Variants in LRRC8C observed in about 807,000 individuals in gnomAD.
The protein encoded by LRRC8C is leucine rich repeat containing 8 VRAC subunit C, also known as volume-regulated anion channel subunit LRRC8C.
Under a neutral mutation model 55.3 loss-of-function variants are expected in LRRC8C, and 20 were observed. That is an observed-to-expected ratio of 0.36 (90% CI 0.25 to 0.53). LRRC8C has a LOEUF of 0.53. LRRC8C is among the 20% of genes least tolerant of loss of function. The pLI is 0.92. For missense variants in LRRC8C, 659 were observed against 951.4 expected, an observed-to-expected ratio of 0.69 and a Z score of 4.04; for synonymous variants, 376 against 360.7, an observed-to-expected ratio of 1.04 and a Z score of -0.48.
intron 1 of LRRC8C, among the ~76,000 whole-genome samples, chr1:89,673,700 A>G (rs2101245081): frequency 6.6e-6 from 1 of 152,354 alleles, no homozygotes; most frequent in African/African-American, 2.4e-5. Flanking sequence ...CTATATGCCA[A>G]ATACTGTGAA....
At chr1:89,664,501 AT>A (rs1657203913) in intron 1 of LRRC8C, among the ~76,000 whole-genome samples, 1 of 151,970 alleles carries the variant, frequency 6.6e-6, no homozygotes, top group Non-Finnish European at 1.5e-5. Flanking sequence ...ATTGGTCTAT[AT>A]TTGTGTTTTG....
In LRRC8C at chr1:89,719,198, T is replaced by C. The variant is rs556002992; in HGVS notation, c.*4216T>C. 1 of 152,348 alleles carries C rather than the reference T, an allele frequency of 6.6e-6. No individual in the cohort carries two copies. The highest frequency in any genetic ancestry group is 6.5e-5 in the Admixed American group (1 of 15,300). The allele number at this position is 152,348 out of a possible 1,614,324, so 9.4% of individuals were successfully genotyped here. ...TTTGGAAAACTTAATTTCTTGGCTG[T>C]GTTTGATAACAGTTCCTATGCATGG... On this transcript the variant is annotated 3_prime_UTR_variant, in exon 3 of 3. Transcript: ENST00000370454.
intron 1 of LRRC8C, among the ~76,000 whole-genome samples, chr1:89,674,103 C>G (rs906763673): frequency 9.2e-5 from 14 of 152,206 alleles, no homozygotes; most frequent in South Asian, 2.1e-4. Flanking sequence ...TGTATGTTAC[C>G]TAGTTTCACT....
chr1:89,712,729 C>G lies in LRRC8C; in HGVS notation c.159C>G (p.Ile53Met). 1 of 1,613,732 alleles carries G rather than the reference C, an allele frequency of 6.2e-7. No individual in the cohort carries two copies. Among genetic ancestry groups the G allele is most frequent in the Non-Finnish European group, 8.5e-7 (1 of 1,179,648 alleles). The change falls in exon 3 of 3, where the codon ATC becomes ATG. Residue 53 changes from isoleucine (I) to methionine (M), a missense_variant. This residue lies in a region of LRRC8C where 82 missense variants were observed against 71.4 expected (regional missense o/e 1.15). Coordinates refer to ENST00000370454, the MANE Select transcript of LRRC8C (RefSeq NM_032270.5). ...TTCAGGTCATGCAAGACAAGATAATCTGCCTTCCGAAAAGAGTGCAGCCTG... is the reference window on the plus strand; with the variant it reads ...TTCAGGTCATGCAAGACAAGATAATGTGCCTTCCGAAAAGAGTGCAGCCTG... ...CTLQVMQDKI[I>M]CLPKRVQPAQ...
In LRRC8C at chr1:89,713,824, A is replaced by C; in HGVS notation, c.1254A>C (p.Leu418=). ...EWTPDKLRQK[L]QTNAHNRLEL... ...CTCCTGATAAACTGAGGCAGAAGCT[A>C]CAGACAAATGCCCATAATCGACTGG... The change falls in exon 3 of 3, where the codon CTA becomes CTC. Residue 418 remains leucine, a synonymous_variant. Coordinates refer to ENST00000370454, the MANE Select transcript of LRRC8C (RefSeq NM_032270.5). This position sits in a 1 kb window ranked among gnomAD's most constrained non-coding sequence, Gnocchi z 5.2. The C allele has an allele frequency of 3.1e-6, 5 of 1,614,244 alleles. No homozygotes were observed. In the South Asian group the frequency reaches 5.5e-5, roughly 18 times the overall value.
intron 1 of LRRC8C, among the ~76,000 whole-genome samples, chr1:89,653,992 T>C (rs1488068757): frequency 1.3e-5 from 2 of 152,176 alleles, no homozygotes; most frequent in African/African-American, 4.8e-5. Context: ...TAAGTGTCCA[T>C]CAATGGATGA....
chr1:89,701,831 T>C (rs1303682050), intron 2 of LRRC8C, among the ~76,000 whole-genome samples: 1 of 152,216 alleles, frequency 6.6e-6, no homozygotes, highest in Admixed American at 6.5e-5. Flanking sequence ...TGAGCGTTTC[T>C]GTGGAGCACA....
At chr1:89,630,147 A>T (rs528618656), upstream of LRRC8C, among the ~76,000 whole-genome samples, 1 of 152,342 alleles carries the variant, frequency 6.6e-6, no homozygotes, top group South Asian at 2.1e-4. Flanking sequence ...ACTCTGTCTC[A>T]GAAAAAATTA....
chr1:89,666,682 T>A (rs1408118715), intron 1 of LRRC8C, among the ~76,000 whole-genome samples: 1 of 152,162 alleles, frequency 6.6e-6, no homozygotes, highest in Non-Finnish European at 1.5e-5. Context: ...TTACTCTAAT[T>A]TCTGTTAGTC....
In LRRC8C at chr1:89,694,491, G is replaced by A. The variant is rs546943022; in HGVS notation, c.138+7880G>A. Among the ~76,000 whole-genome samples the A allele has an allele frequency of 1.1e-4, 17 of 151,750 alleles. No homozygotes were observed. The South Asian group carries it at 3.6e-3, about 32-fold the overall frequency. ...TGGAGACGAGTTCTCACTCTGTTGC[G>A]CAGGCTGCTTTGAAACTCCTGGGCT... On this transcript the variant is annotated intron_variant, in intron 2 of 2. Coordinates refer to ENST00000370454, the MANE Select transcript of LRRC8C (RefSeq NM_032270.5).
At chr1:89,620,451 G>A in the LRRC8C span, among the ~76,000 whole-genome samples, 1 of 151,988 alleles carries the variant, frequency 6.6e-6, no homozygotes, top group Non-Finnish European at 1.5e-5. Flanking sequence ...AGGACAAAAA[G>A]GAAGTAAGAA....
chr1:89,629,706 A>G (rs1656056720), upstream of LRRC8C: 1 of 152,246 alleles, frequency 6.6e-6, no homozygotes, highest in Admixed American at 6.5e-5. Context: ...GTGAATCAAG[A>G]TACAGCCCTG....
the LRRC8C span, among the ~76,000 whole-genome samples, chr1:89,625,424 C>T: frequency 6.6e-6 from 1 of 152,126 alleles, no homozygotes; most frequent in Non-Finnish European, 1.5e-5. Flanking sequence ...TTTTCACTAA[C>T]AGCAAAAGTG....
At chr1:89,689,739 G>A (rs1402992786) in intron 2 of LRRC8C, among the ~76,000 whole-genome samples, 2 of 152,046 alleles carry the variant, frequency 1.3e-5, no homozygotes, top group African/African-American at 4.8e-5. Context: ...TCAGGAGTTC[G>A]AGACTAGCCT....
chr1:89,623,787 C>A, the LRRC8C span, among the ~76,000 whole-genome samples: 2 of 151,982 alleles, frequency 1.3e-5, no homozygotes, highest in African/African-American at 4.8e-5. Context: ...ATTCATTAGG[C>A]CAGGAATGAT....
At chr1:89,659,507 A>C (rs998611692) in intron 1 of LRRC8C, among the ~76,000 whole-genome samples, 2 of 152,298 alleles carry the variant, frequency 1.3e-5, no homozygotes, top group East Asian at 3.9e-4. Context: ...TTGGGCGTTA[A>C]GTAATGTAAT....
intron 1 of LRRC8C, among the ~76,000 whole-genome samples, chr1:89,682,536 G>T (rs1385082560): frequency 1.3e-5 from 2 of 152,190 alleles, no homozygotes; most frequent in African/African-American, 4.8e-5. Context: ...GGGACCCCAT[G>T]AAGTCAAAAC....
At chr1:89,682,385 C>G (rs528892439) in intron 1 of LRRC8C, among the ~76,000 whole-genome samples, 1 of 152,102 alleles carries the variant, frequency 6.6e-6, no homozygotes, top group Non-Finnish European at 1.5e-5. Context: ...GCAACTCAGA[C>G]AAGGACCCAG....
At position 89,672,119 on chromosome 1, in the gene LRRC8C, C is replaced by CA. The variant is rs533210502; in HGVS notation, c.-4-14344dup. Among the ~76,000 whole-genome samples the CA allele has an allele frequency of 1.6e-4, 24 of 152,126 alleles. 1 individual carries two copies. The South Asian group carries it at 4.4e-3, about 28-fold the overall frequency. On this transcript the variant is annotated intron_variant, in intron 1 of 2. Coordinates refer to ENST00000370454, the MANE Select transcript of LRRC8C (RefSeq NM_032270.5). ...ATTTTAAGAGGGGAAAAACAAACAA[C>CA]AAAAAAAGCCATTACGTTGCAGACC...
Sources: allele counts gnomAD v4.1 joint callset (sites outside exome capture counted in the v4.1 genomes callset), GRCh38; gene constraint gnomAD v4.1.1; regional missense constraint gnomAD v4.1.1; non-coding constraint Gnocchi (gnomAD v3.1); transcripts MANE v1.5; gene names NCBI Gene and HGNC (gene_info 2026-07-23, HGNC 2026-07-21).